TWIST1: variants seen among roughly 807,000 people sequenced by gnomAD.
TWIST1 encodes the protein twist family bHLH transcription factor 1, also known as twist-related protein 1.
A neutral mutation model predicts 12.9 loss-of-function variants in TWIST1; 8 were observed. The observed-to-expected ratio is 0.62, with a 90% confidence interval of 0.37 to 1.12. TWIST1 has a LOEUF of 1.12. TWIST1 is among the 50% of genes most tolerant of loss of function. TWIST1 has a pLI of 0.02. For synonymous variants in TWIST1, 169 were observed against 138.7 expected (o/e 1.22, Z -1.54); for missense variants, 268 against 299.7 (o/e 0.89, Z 0.78).
downstream of TWIST1, among the ~76,000 whole-genome samples, chr7:19,114,981 C>T (rs1350077386): frequency 1.3e-5 from 2 of 152,202 alleles, no homozygotes; most frequent in Admixed American, 6.5e-5. Context: ...TGCTGATTTA[C>T]ACTTTATTTT....
rs762709896 is a variant in TWIST1 at position 19,117,244 on chromosome 7, C to T, written c.78G>A (p.Arg26=). Residue 26 remains arginine (R), a synonymous_variant, in exon 1 of 2, where the codon CGG becomes CGA. Coordinates refer to ENST00000242261, the MANE Select transcript of TWIST1 (RefSeq NM_000474.4). ...SLSNSEEEPD[R]QQPPSGKRGG... Reference sequence around the variant, plus strand: ...CGCGCTTGCCGCTCGGCGGCTGCTGCCGGTCTGGCTCTTCCTCGCTGTTGC... The same window carrying T: ...CGCGCTTGCCGCTCGGCGGCTGCTGTCGGTCTGGCTCTTCCTCGCTGTTGC... 12 of 1,432,006 alleles carry T rather than the reference C, an allele frequency of 8.4e-6. No homozygotes were observed. Among genetic ancestry groups the T allele is most frequent in the Non-Finnish European group, 2.7e-6 (3 of 1,091,490 alleles). 88.7% of individuals were successfully genotyped at this position (1,432,006 alleles called of 1,614,324 possible).
Position 19,117,484 on chromosome 7 carries a change from GC to G in TWIST1, c.-164del. 2 of 1,190,100 alleles carry G rather than the reference GC, an allele frequency of 1.7e-6. No homozygotes were observed. Among genetic ancestry groups the G allele is most frequent in the South Asian group, 6.3e-5 (2 of 31,776 alleles). 73.7% of individuals were successfully genotyped at this position (1,190,100 alleles called of 1,614,324 possible). A position where few individuals can be genotyped will look rare whatever the true frequency, so the allele number is the denominator to read the frequency against. On this transcript the variant is annotated 5_prime_UTR_variant, in exon 1 of 2. Transcript: ENST00000242261. ...GGAGGGACCTCCGCGGGGAGGGCGC[GC>G]GGGGGAGGCGGGGAGGGAGGCGGGA... is the stretch of plus-strand genomic sequence containing the variant.
At chr7:19,113,722 A>G (rs1465188652), downstream of TWIST1, 1 of 152,220 alleles carries the variant, frequency 6.6e-6, no homozygotes, top group Non-Finnish European at 1.5e-5. Context: ...TACTATAAAT[A>G]TGGCATTTGC....
chr7:19,114,602 T>C (rs1788530906), downstream of TWIST1, among the ~76,000 whole-genome samples: 1 of 152,240 alleles, frequency 6.6e-6, no homozygotes, highest in African/African-American at 2.4e-5. Context: ...TTGCCCATTA[T>C]TGTTTTACTT....
At chr7:19,116,626 G>C in intron 1 of TWIST1, 45 bp downstream of exon 1, 2 of 1,461,328 alleles carry the variant, frequency 1.4e-6, no homozygotes, top group Non-Finnish European at 1.8e-6. Context: ...CCGGCCTGCC[G>C]TCTGCCACCT....
chr7:19,116,236 T>G (rs1323680456), intron 1 of TWIST1, 105 bp from the exon 2 acceptor site: 2 of 162,578 alleles, frequency 1.2e-5, no homozygotes, highest in Non-Finnish European at 2.7e-5. Context: ...ACTGAGAAAT[T>G]AAGCTGAACA....
At position 19,115,949 on chromosome 7, in the gene TWIST1, A is replaced by G. The variant is rs1283814748; in HGVS notation, c.*225T>C. 1.3e-5 allele frequency: 2 copies of G among 152,026 alleles called. No individual in the cohort carries two copies. The highest frequency in any genetic ancestry group is 3.9e-4 in the East Asian group (2 of 5,166). The allele number at this position is 152,026 out of a possible 1,614,324, so 9.4% of individuals were successfully genotyped here. ...GGATGGTGCCGCTGCCCGTCTGGGAATCACTGTCCACGGGCCTGTCTCGCT... is the reference window on the plus strand; with the variant it reads ...GGATGGTGCCGCTGCCCGTCTGGGAGTCACTGTCCACGGGCCTGTCTCGCT... On this transcript the variant is annotated 3_prime_UTR_variant, in exon 2 of 2. Coordinates refer to ENST00000242261, the MANE Select transcript of TWIST1 (RefSeq NM_000474.4).
rs1419344777 is a variant in TWIST1 at position 19,117,342 on chromosome 7, G to T, written c.-21C>A. On this transcript the variant is annotated 5_prime_UTR_variant, in exon 1 of 2. Transcript: ENST00000242261. ...ATCATCTCTCGAGCGGCGACGCGTG[G>T]CCTCGCGGGCCCGGGGCAGAGGAGA... 7 of 1,442,904 alleles carry T rather than the reference G, an allele frequency of 4.9e-6. No individual in the cohort carries two copies. Among genetic ancestry groups the T allele is most frequent in the Non-Finnish European group, 6.4e-6 (7 of 1,097,454 alleles). 89.4% of individuals were successfully genotyped at this position (1,442,904 alleles called of 1,614,324 possible).
intron 1 of TWIST1, among the ~76,000 whole-genome samples, chr7:19,116,373 C>A (rs1585616097): frequency 6.6e-6 from 1 of 152,200 alleles, no homozygotes; most frequent in East Asian, 1.9e-4. Flanking sequence ...AAGGGTGGCG[C>A]TGACAAAACG....
At chr7:19,113,118 A>G (rs1255142558), downstream of TWIST1, 1 of 152,200 alleles carries the variant, frequency 6.6e-6, no homozygotes, top group Non-Finnish European at 1.5e-5. Flanking sequence ...ACTGTGCGTG[A>G]ATTATCATCT....
downstream of TWIST1, chr7:19,113,711 T>C (rs1052708729): frequency 6.6e-6 from 1 of 152,156 alleles, no homozygotes; most frequent in African/African-American, 2.4e-5. Context: ...GTATTTAATA[T>C]TACTATAAAT....
rs1330762809 is a variant in TWIST1, at chr7:19,115,966, T to C, written c.*208A>G. The C allele has an allele frequency of 6.6e-6, 1 of 152,422 alleles. No homozygotes were observed. The highest frequency in any genetic ancestry group is 1.5e-5 in the Non-Finnish European group (1 of 68,020). The allele number at this position is 152,422 out of a possible 1,614,324, so 9.4% of individuals were successfully genotyped here. On this transcript the variant is annotated 3_prime_UTR_variant, in exon 2 of 2. Coordinates refer to ENST00000242261, the MANE Select transcript of TWIST1 (RefSeq NM_000474.4). ...GTCTGGGAATCACTGTCCACGGGCC[T>C]GTCTCGCTTTCTCTTTTAAAAGTGC...
downstream of TWIST1, among the ~76,000 whole-genome samples, chr7:19,115,264 C>T (rs1415508045): frequency 6.6e-6 from 1 of 152,126 alleles, no homozygotes; most frequent in African/African-American, 2.4e-5. Context: ...TGCTACTAAG[C>T]CCTCTGAATA....
rs1288474127 is a variant in TWIST1 at position 19,116,552 on chromosome 7, G to A, written c.*42+119C>T. The A allele has an allele frequency of 9.3e-6, 8 of 864,290 alleles. No individual in the cohort carries two copies. The Admixed American group carries it at 1.2e-4, about 13-fold the overall frequency. 53.5% of individuals were successfully genotyped at this position (864,290 alleles called of 1,614,324 possible). Reference sequence around the variant, plus strand: ...GCGAGGCAACGGTGCCAAGTGAGGTGGGAAGGCTGAGCGGAGAGTGGGAGA... The same window carrying A: ...GCGAGGCAACGGTGCCAAGTGAGGTAGGAAGGCTGAGCGGAGAGTGGGAGA... On this transcript the variant is annotated intron_variant, in intron 1 of 1. Transcript: ENST00000242261.
rs1267299474 is a variant in TWIST1 at position 19,117,451 on chromosome 7, G to A, written c.-130C>T. The A allele has an allele frequency of 4.7e-5, 56 of 1,195,582 alleles. No individual in the cohort carries two copies. Among genetic ancestry groups the A allele is most frequent in the Non-Finnish European group, 5.7e-5 (55 of 960,296 alleles). 74.1% of individuals were successfully genotyped at this position (1,195,582 alleles called of 1,614,324 possible). ...CGGCCCGCGGAGGAGAGAGCAGGAG[G>A]ACGGACGGGAGGGACCTCCGCGGGG... On this transcript the variant is annotated 5_prime_UTR_variant, in exon 1 of 2. Coordinates refer to ENST00000242261, the MANE Select transcript of TWIST1 (RefSeq NM_000474.4).
chr7:19,116,644 G>A lies in TWIST1; in HGVS notation c.*42+27C>T, dbSNP rs1310641433. 11 of 1,517,094 alleles carry A rather than the reference G, an allele frequency of 7.3e-6. No individual in the cohort carries two copies. The East Asian group carries it at 2.0e-4, about 27-fold the overall frequency. 94.0% of individuals were successfully genotyped at this position (1,517,094 alleles called of 1,614,324 possible). A position where few individuals can be genotyped will look rare whatever the true frequency, so the allele number is the denominator to read the frequency against. ...GCCTGCCGTCTGCCACCTGAGAGGC[G>A]AAGGGGTGCAGCGGCGCGGTCCTTA... On this transcript the variant is annotated intron_variant, in intron 1 of 1. Transcript: ENST00000242261.
chr7:19,116,686 T>A lies in TWIST1; in HGVS notation c.*27A>T. The A allele has an allele frequency of 6.3e-7, 1 of 1,579,490 alleles. No homozygotes were observed. Among genetic ancestry groups the A allele is most frequent in the Non-Finnish European group, 8.6e-7 (1 of 1,164,190 alleles). ...CGGTCCTTACCTAGGTCTCCGGCCCTGCTGAGGGGGTGGGGGGCTCCGCCT... is the reference window on the plus strand; with the variant it reads ...CGGTCCTTACCTAGGTCTCCGGCCCAGCTGAGGGGGTGGGGGGCTCCGCCT... On this transcript the variant is annotated 3_prime_UTR_variant, in exon 1 of 2. Transcript: ENST00000242261.
Position 19,117,184 on chromosome 7 carries a change from C to T in TWIST1, c.138G>A (p.Ala46=), listed in dbSNP as rs1355054839. Residue 46 remains alanine, a synonymous_variant, in exon 1 of 2, where the codon GCG becomes GCA. Transcript: ENST00000242261. The stretch of plus-strand genomic sequence containing the variant: ...CTCCGCCGGGCCCCGCGCCGCCGCC[C>T]GCGCTGCGCCTGCTGCTGCGCCGCT... The part of the protein sequence containing the change: ...GRKRRSSRRS[A]GGGAGPGGAA... The T allele has an allele frequency of 7.8e-6, 9 of 1,156,148 alleles. No homozygotes were observed. The highest frequency in any genetic ancestry group is 9.6e-6 in the Non-Finnish European group (9 of 942,326). 71.6% of individuals were successfully genotyped at this position (1,156,148 alleles called of 1,614,324 possible).
chr7:19,115,502 A>T lies in TWIST1; in HGVS notation c.*672T>A, dbSNP rs1788545688. Reference sequence around the variant, plus strand: ...TTTTTTATATTTATTTATTGCAGAAAAATATACAAAGATATTTACAAAACA... The same window carrying T: ...TTTTTTATATTTATTTATTGCAGAATAATATACAAAGATATTTACAAAACA... On this transcript the variant is annotated 3_prime_UTR_variant, in exon 2 of 2. Coordinates refer to ENST00000242261, the MANE Select transcript of TWIST1 (RefSeq NM_000474.4). The T allele has an allele frequency of 6.6e-6, 1 of 152,664 alleles. No homozygotes were observed. The highest frequency in any genetic ancestry group is 1.5e-5 in the Non-Finnish European group (1 of 68,038). 9.5% of individuals were successfully genotyped at this position (152,664 alleles called of 1,614,324 possible).
Sources: allele counts gnomAD v4.1 joint callset (sites outside exome capture counted in the v4.1 genomes callset), GRCh38; gene constraint gnomAD v4.1.1; transcripts MANE v1.5; gene names NCBI Gene and HGNC (gene_info 2026-07-23, HGNC 2026-07-21).